Variants in CTH observed in about 807,000 individuals in gnomAD.
CTH encodes the protein cystathionase (cystathionine gamma-lyase).
CTH carries 41 observed loss-of-function variants against 50.6 expected under a neutral mutation model. That is an observed-to-expected ratio of 0.81 (90% CI 0.63 to 1.05). The LOEUF is 1.05. Ranked by LOEUF, CTH falls within the 50% of genes least tolerant of loss-of-function variation. The pLI is 0.00. For synonymous variants in CTH, 156 were observed against 168.9 expected (o/e 0.92, Z 0.59); for missense variants, 470 against 492.6 (o/e 0.95, Z 0.43).
At chr1:70,414,047 C>G (rs1684033794) in intron 1 of CTH, among the ~76,000 whole-genome samples, 1 of 151,734 alleles carries the variant, frequency 6.6e-6, no homozygotes, top group African/African-American at 2.4e-5. Flanking sequence ...TAAAAATCAG[C>G]TAAGACCACT....
chr1:70,435,027 A>C, intron 9 of CTH, 98 bp from the exon 10 acceptor site: 1 of 1,133,628 alleles, frequency 8.8e-7, no homozygotes, highest in Non-Finnish European at 1.2e-6. Context: ...CTGGGATTAC[A>C]GGCATGAGCC....
chr1:70,417,504 C>T (rs769574489), intron 2 of CTH, among the ~76,000 whole-genome samples: 4 of 151,984 alleles, frequency 2.6e-5, no homozygotes, highest in East Asian at 1.9e-4. Context: ...AGGCTGGTCA[C>T]GAAATCTTGA....
intron 1 of CTH, 73 bp from the exon 2 acceptor site, chr1:70,415,883 T>C: frequency 7.2e-6 from 6 of 834,528 alleles, no homozygotes; most frequent in Non-Finnish European, 1.3e-5. Context: ...AGGGTGAAAC[T>C]ATAGTTCTCT....
intron 2 of CTH, among the ~76,000 whole-genome samples, chr1:70,417,022 C>G (rs1348198202): frequency 1.3e-5 from 2 of 152,048 alleles, no homozygotes; most frequent in Admixed American, 1.3e-4. Flanking sequence ...GTTTATTCAC[C>G]TAATAATTTG....
At chr1:70,413,233 T>C (rs1290629536) in intron 1 of CTH, among the ~76,000 whole-genome samples, 1 of 151,972 alleles carries the variant, frequency 6.6e-6, no homozygotes, top group Non-Finnish European at 1.5e-5. Flanking sequence ...AATCAAAATA[T>C]GTACACAGCC....
intron 4 of CTH, among the ~76,000 whole-genome samples, chr1:70,422,610 T>C (rs1190912785): frequency 7.7e-6 from 1 of 129,192 alleles, no homozygotes; most frequent in Non-Finnish European, 1.6e-5. Flanking sequence ...GGTCTGAGTC[T>C]TTTTTTTTTT....
At chr1:70,438,594 G>GA in intron 10 of CTH, 94 bp from the exon 11 acceptor site, 1 of 1,437,076 alleles carries the variant, frequency 7.0e-7, no homozygotes, top group Non-Finnish European at 9.8e-7. Context: ...ATTTGGACCA[G>GA]AAAAATGTTG....
chr1:70,418,088 T>C (rs1684132403), intron 3 of CTH, 56 bp downstream of exon 3: 3 of 1,579,568 alleles, frequency 1.9e-6, no homozygotes, highest in Admixed American at 3.4e-5. Context: ...GATAATAAAG[T>C]GAGCCCTGAA....
chr1:70,416,169 C>A (rs1684087649), intron 2 of CTH, 132 bp downstream of exon 2: 1 of 673,602 alleles, frequency 1.5e-6, no homozygotes, highest in Non-Finnish European at 2.7e-6. Flanking sequence ...CCTTTGAATT[C>A]TTTGCCCAAG....
At position 70,411,349 on chromosome 1, in the gene CTH, G is replaced by C; in HGVS notation, c.-67G>C. 1 of 1,559,592 alleles carries C rather than the reference G, an allele frequency of 6.4e-7. No homozygotes were observed. The highest frequency in any genetic ancestry group is 1.1e-5 in the South Asian group (1 of 89,798). ...TGATCCTTCTGTCTCTCCCAACCCC[G>C]GACACCCGGCTTCGACTGGTTATAT... On this transcript the variant is annotated 5_prime_UTR_variant, in exon 1 of 12. Transcript: ENST00000370938.
chr1:70,413,059 A>G (rs907640462), intron 1 of CTH, among the ~76,000 whole-genome samples: 3 of 152,018 alleles, frequency 2.0e-5, no homozygotes, highest in Non-Finnish European at 2.9e-5. Flanking sequence ...ATTTGTAAGA[A>G]TTAGTTAAAG....
At chr1:70,433,767 C>A (rs1392588496) in intron 8 of CTH, 61 bp from the exon 9 acceptor site, 2 of 1,599,634 alleles carry the variant, frequency 1.3e-6, no homozygotes, top group African/African-American at 1.3e-5. Flanking sequence ...ATACCACCCT[C>A]CCCCCCCAAA....
Position 70,435,067 on chromosome 1 carries a change from T to A in CTH, c.1000-58T>A, listed in dbSNP as rs528829094. The A allele has an allele frequency of 4.0e-6, 6 of 1,510,906 alleles. No individual in the cohort carries two copies. In the African/African-American group the frequency reaches 8.4e-5, roughly 21 times the overall value. The allele number at this position is 1,510,906 out of a possible 1,614,324, so 93.6% of individuals were successfully genotyped here. On this transcript the variant is annotated intron_variant, in intron 9 of 11. Transcript: ENST00000370938. ...TGCCTGGCCTAAAAACATTTATTTT[T>A]AGATTTTAGTATTTTTATTTTACTA...
intron 9 of CTH, chr1:70,434,876 C>T: frequency 2.8e-6 from 1 of 350,974 alleles, no homozygotes; most frequent in South Asian, 2.4e-5. Context: ...CTTCAGCCTT[C>T]CAGGTAGCTG....
chr1:70,430,429 T>A (rs774605899), intron 7 of CTH, 35 bp downstream of exon 7: 1 of 939,866 alleles, frequency 1.1e-6, no homozygotes, highest in Non-Finnish European at 1.8e-6. Context: ...CCTATGACAC[T>A]CTCAGTGACT....
rs748374528 is a variant in CTH, at chr1:70,432,139, ACT to A, written c.784_785del (p.Leu262ThrfsTer21). 114 of 1,614,000 alleles carry A rather than the reference ACT, an allele frequency of 7.1e-5. 1 individual carries two copies. In the East Asian group the frequency reaches 2.3e-3, roughly 33 times the overall value. On this transcript the variant is annotated frameshift_variant, in exon 8 of 12. Transcript: ENST00000370938. LOFTEE classifies it high-confidence loss of function. ...TTACCTCTGCAATCGAGGTCTGAAG[ACT>A]CTACATGTCCGAATGGAAAAGCATT... ...DCYLCNRGLKTLHVRMEKHFK... is the reference protein window; with the variant it reads ...DCYLCNRGLKXLHVRMEKHFK...
Position 70,433,874 on chromosome 1 carries a change from A to G in CTH, c.924A>G (p.Thr308=), listed in dbSNP as rs748420597. 3.1e-6 allele frequency: 5 copies of G among 1,614,098 alleles called. No individual in the cohort carries two copies. In the Admixed American group the frequency reaches 6.7e-5, roughly 22 times the overall value. ...PQHELVKRQC[T]GCTGMVTFYI... ...ATGAGTTGGTGAAGCGTCAGTGTAC[A>G]GGTTGTACAGGGATGGTCACCTTTT... The change falls in exon 9 of 12, where the codon ACA becomes ACG. Residue 308 remains threonine (T), a synonymous_variant. Coordinates refer to ENST00000370938, the MANE Select transcript of CTH (RefSeq NM_001902.6).
Sources: allele counts gnomAD v4.1 joint callset (sites outside exome capture counted in the v4.1 genomes callset), GRCh38; gene constraint gnomAD v4.1.1; transcripts MANE v1.5; gene names NCBI Gene and HGNC (gene_info 2026-07-23, HGNC 2026-07-21).